AFF3: variants seen among roughly 807,000 people sequenced by gnomAD.
The protein encoded by AFF3 is ALF transcription elongation factor 3.
Under a neutral mutation model 129.7 loss-of-function variants are expected in AFF3, and 32 were observed. That is an observed-to-expected ratio of 0.25 (90% CI 0.19 to 0.33). AFF3 has a LOEUF of 0.33. AFF3 is among the 10% of genes least tolerant of loss of function. AFF3 has a pLI of 1.00. For missense variants in AFF3, 1,373 were observed against 1,592.0 expected (o/e 0.86, Z 2.34); for synonymous variants, 644 against 635.4 (o/e 1.01, Z -0.20).
In AFF3 at chr2:99,783,998, A is replaced by T. The variant is rs536146819; in HGVS notation, c.922-31697T>A. Among the ~76,000 whole-genome samples the T allele has an allele frequency of 9.8e-4, 150 of 152,368 alleles. 3 individuals are homozygous for T. The highest frequency in any genetic ancestry group is 6.8e-3 in the Middle Eastern group (2 of 294). ...CTGCATTAACTCTCTTTGATCAAAA[A>T]CTTACTTTTTAAGCACATCCAAGTG... On this transcript the variant is annotated intron_variant, in intron 8 of 24. Coordinates refer to ENST00000672756, the MANE Select transcript of AFF3 (RefSeq NM_001386135.1).
At chr2:99,780,478 C>A (rs1684312177) in intron 8 of AFF3, among the ~76,000 whole-genome samples, 1 of 152,262 alleles carries the variant, frequency 6.6e-6, no homozygotes, top group South Asian at 2.1e-4. Context: ...TCCAGATATA[C>A]TTATGTTCTG....
chr2:99,748,398 A>G (rs564409202), intron 9 of AFF3, among the ~76,000 whole-genome samples: 1 of 152,260 alleles, frequency 6.6e-6, no homozygotes, highest in African/African-American at 2.4e-5. Context: ...GGCCTGCAAG[A>G]TTCTCTACTA....
chr2:99,599,043 C>A (rs1679561715), intron 14 of AFF3, among the ~76,000 whole-genome samples: 2 of 152,106 alleles, frequency 1.3e-5, no homozygotes, highest in Admixed American at 1.3e-4. Context: ...AGCCAGGAAT[C>A]CAAAACCACA....
At chr2:99,648,410 A>G (rs1684886893) in intron 13 of AFF3, among the ~76,000 whole-genome samples, 1 of 152,178 alleles carries the variant, frequency 6.6e-6, no homozygotes, top group Non-Finnish European at 1.5e-5. Context: ...TATATTCTAC[A>G]TGTGTTTTGA....
At chr2:99,918,551 A>G (rs1300062224) in intron 7 of AFF3, among the ~76,000 whole-genome samples, 1 of 152,112 alleles carries the variant, frequency 6.6e-6, no homozygotes, top group Non-Finnish European at 1.5e-5. Flanking sequence ...AATTGCTCTA[A>G]CCTTTAATTC....
chr2:100,060,968 C>A lies in AFF3; in HGVS notation c.53+43434G>T, dbSNP rs182507702. 4.6e-4 allele frequency among the ~76,000 whole-genome samples: 70 copies of A among 152,326 alleles called. 1 individual carries two copies. Among genetic ancestry groups the A allele is most frequent in the Admixed American group, 4.5e-3 (69 of 15,302 alleles). On this transcript the variant is annotated intron_variant, in intron 4 of 24. Transcript: ENST00000672756. ...CGATGACGTTGATGGTCTTGAGGAACACTGCCAGGCATTTGGTAAAATATC... is the reference window on the plus strand; with the variant it reads ...CGATGACGTTGATGGTCTTGAGGAAAACTGCCAGGCATTTGGTAAAATATC...
intron 7 of AFF3, among the ~76,000 whole-genome samples, chr2:99,975,463 G>C (rs2104457662): frequency 6.6e-6 from 1 of 152,222 alleles, no homozygotes; most frequent in East Asian, 1.9e-4. Flanking sequence ...TCTATGTATG[G>C]TCATGGAAAT....
rs760382455 is a variant in AFF3, at chr2:99,574,511, C to T, written c.2918+3816G>A. On this transcript the variant is annotated intron_variant, in intron 18 of 24. Coordinates refer to ENST00000672756, the MANE Select transcript of AFF3 (RefSeq NM_001386135.1). Reference sequence around the variant, plus strand: ...TTGGAAACCCATTAATTTACATTCACCTGCATGTAGATTCCTTATAGTCAT... The same window carrying T: ...TTGGAAACCCATTAATTTACATTCATCTGCATGTAGATTCCTTATAGTCAT... Among the ~76,000 whole-genome samples, 3 of 152,110 alleles carry T rather than the reference C, an allele frequency of 2.0e-5. No homozygotes were observed. In the South Asian group the frequency reaches 6.2e-4, roughly 32 times the overall value.
At chr2:99,680,592 T>C (rs1351408328) in intron 11 of AFF3, among the ~76,000 whole-genome samples, 1 of 152,218 alleles carries the variant, frequency 6.6e-6, no homozygotes, top group African/African-American at 2.4e-5. Flanking sequence ...AAATCTGATG[T>C]TGAATATTGA....
At chr2:99,866,190 C>T (rs1172785851) in intron 7 of AFF3, among the ~76,000 whole-genome samples, 1 of 152,190 alleles carries the variant, frequency 6.6e-6, no homozygotes, top group Non-Finnish European at 1.5e-5. Context: ...GTGAGTTACA[C>T]TATGTACCTC....
chr2:99,861,217 T>C (rs1000952640), intron 7 of AFF3, among the ~76,000 whole-genome samples: 2 of 152,218 alleles, frequency 1.3e-5, no homozygotes, highest in African/African-American at 4.8e-5. Flanking sequence ...AAATTGATGT[T>C]GCCACTGACT....
chr2:100,106,946 A>T, intron 2 of AFF3: 1 of 985,496 alleles, frequency 1.0e-6, no homozygotes. Flanking sequence ...CCAAAAAGCC[A>T]TGTAGTAACG....
chr2:100,131,552 C>T (rs1374831928), intron 1 of AFF3, among the ~76,000 whole-genome samples: 1 of 152,058 alleles, frequency 6.6e-6, no homozygotes, highest in Non-Finnish European at 1.5e-5. Flanking sequence ...CTCTGCCTCC[C>T]GGGTTCAAGT....
At chr2:100,041,354 T>C (rs771461085) in intron 4 of AFF3, among the ~76,000 whole-genome samples, 6 of 152,226 alleles carry the variant, frequency 3.9e-5, no homozygotes, top group South Asian at 2.1e-4. Context: ...AGTCTGTTAA[T>C]AGGAAAAGAA....
chr2:100,104,472 TCGCCGCCGCCGCTACCGC>T lies in AFF3; in HGVS notation c.-36_-19del. ...CTGTCCATGGTGGGAGGTGTCAGCG[TCGCCGCCGCCGCTACCGC>T]CGCCGCCGAGGCTCGGGCCGCCCGC... On this transcript the variant is annotated 5_prime_UTR_variant, in exon 4 of 25. Coordinates refer to ENST00000672756, the MANE Select transcript of AFF3 (RefSeq NM_001386135.1). 2 of 1,304,080 alleles carry T rather than the reference TCGCCGCCGCCGCTACCGC, an allele frequency of 1.5e-6. No homozygotes were observed. The highest frequency in any genetic ancestry group is 2.0e-6 in the Non-Finnish European group (2 of 1,002,492). The allele number at this position is 1,304,080 out of a possible 1,614,324, so 80.8% of individuals were successfully genotyped here. A position where few individuals can be genotyped will look rare whatever the true frequency, so the allele number is the denominator to read the frequency against.
intron 18 of AFF3, among the ~76,000 whole-genome samples, 181 bp downstream of exon 18, chr2:99,578,146 G>A (rs768252792): frequency 1.3e-5 from 2 of 152,054 alleles, no homozygotes; most frequent in African/African-American, 2.4e-5. Context: ...GGACTCAGGC[G>A]TGCACTCAAA....
chr2:99,553,036 A>G (rs1388167237), intron 24 of AFF3, among the ~76,000 whole-genome samples: 1 of 152,156 alleles, frequency 6.6e-6, no homozygotes, highest in Non-Finnish European at 1.5e-5. Context: ...TTCCAGGTTC[A>G]AGCGATTCTC....
intron 4 of AFF3, among the ~76,000 whole-genome samples, chr2:100,017,216 T>A (rs1683207279): frequency 6.6e-6 from 1 of 152,282 alleles, no homozygotes; most frequent in South Asian, 2.1e-4. Context: ...ATTTTCCTTA[T>A]GAGCCAAGTA....
intron 8 of AFF3, among the ~76,000 whole-genome samples, chr2:99,820,238 C>T (rs1687551696): frequency 1.3e-5 from 2 of 152,146 alleles, no homozygotes; most frequent in Non-Finnish European, 2.9e-5. Context: ...TATGGTATGG[C>T]CTATTGCTCA....
Sources: gnomAD v4.1 joint callset for allele counts (sites outside exome capture counted in the v4.1 genomes callset) on GRCh38, gnomAD v4.1.1 for gene constraint, MANE v1.5 for transcripts, NCBI Gene and HGNC (gene_info 2026-07-23, HGNC 2026-07-21) for gene names.